The following ZNF385B variants were observed in gnomAD, a reference collection of about 807,000 sequenced individuals.
ZNF385B encodes the protein zinc finger protein 533.
A neutral mutation model predicts 39.2 loss-of-function variants in ZNF385B; 23 were observed. The observed-to-expected ratio is 0.59, with a 90% CI of 0.42 to 0.83. ZNF385B has a LOEUF of 0.83. Ranked by LOEUF, ZNF385B falls within the 40% of genes least tolerant of loss-of-function variation. ZNF385B has a pLI of 0.00. For missense variants in ZNF385B, 552 were observed against 598.9 expected, an observed-to-expected ratio of 0.92 and a Z score of 0.82; for synonymous variants, 205 against 222.6, an observed-to-expected ratio of 0.92 and a Z score of 0.70.
chr2:179,775,457 A>C (rs1704259246), intron 1 of ZNF385B, among the ~76,000 whole-genome samples: 1 of 152,236 alleles, frequency 6.6e-6, no homozygotes, highest in Non-Finnish European at 1.5e-5. Flanking sequence ...TTGGAATGAA[A>C]TTATTCCTTA....
chr2:179,696,849 A>G (rs561564369), intron 3 of ZNF385B, among the ~76,000 whole-genome samples: 27 of 152,302 alleles, frequency 1.8e-4, no homozygotes, highest in African/African-American at 6.5e-4. Flanking sequence ...TGTTAATTAT[A>G]ATATTCTCAA....
At chr2:179,776,761 C>T (rs1434308757) in intron 1 of ZNF385B, among the ~76,000 whole-genome samples, 1 of 152,086 alleles carries the variant, frequency 6.6e-6, no homozygotes, top group Non-Finnish European at 1.5e-5. Flanking sequence ...TGGGATATCT[C>T]AGGGGCTCAA....
intron 4 of ZNF385B, among the ~76,000 whole-genome samples, chr2:179,529,190 GA>G (rs1470934581): frequency 6.6e-6 from 1 of 152,150 alleles, no homozygotes; most frequent in Non-Finnish European, 1.5e-5. Context: ...TGGTTAATGT[GA>G]TTTATTAAAG....
intron 3 of ZNF385B, among the ~76,000 whole-genome samples, chr2:179,615,540 T>C (rs1689658537): frequency 6.6e-6 from 1 of 152,210 alleles, no homozygotes; most frequent in Admixed American, 6.5e-5. Flanking sequence ...TAAAATAAAA[T>C]AGCTTTAATG....
At chr2:179,634,884 C>CT (rs1691590011) in intron 3 of ZNF385B, among the ~76,000 whole-genome samples, 1 of 150,934 alleles carries the variant, frequency 6.6e-6, no homozygotes, top group South Asian at 2.1e-4. Context: ...AATCTCAGCA[C>CT]TTTGGGAGGC....
intron 6 of ZNF385B, 113 bp from the exon 7 acceptor site, chr2:179,446,883 G>T: frequency 7.4e-7 from 1 of 1,348,012 alleles, no homozygotes; most frequent in Non-Finnish European, 1.0e-6. Context: ...AGTTTTTATT[G>T]CAGCATAGAT....
chr2:179,505,405 C>T (rs1456710001), intron 5 of ZNF385B, among the ~76,000 whole-genome samples: 75 of 152,014 alleles, frequency 4.9e-4, no homozygotes, highest in Non-Finnish European at 2.9e-5. Context: ...AACAACCTAA[C>T]TACTCCTTTA....
At chr2:179,815,966 T>C (rs938244698) in intron 1 of ZNF385B, among the ~76,000 whole-genome samples, 14 of 152,122 alleles carry the variant, frequency 9.2e-5, no homozygotes, top group South Asian at 4.1e-4. Context: ...TCAGGCTCTT[T>C]TCTTTAAATA....
At chr2:179,600,977 G>T (rs781324431) in intron 3 of ZNF385B, among the ~76,000 whole-genome samples, 14 of 152,246 alleles carry the variant, frequency 9.2e-5, no homozygotes, top group Non-Finnish European at 2.1e-4. Context: ...TTTCTCAAAA[G>T]TTTTATAAAT....
rs1202705424 is a variant in ZNF385B at position 179,443,004 on chromosome 2, G to A, written c.*246C>T. 3.4e-6 allele frequency: 2 copies of A among 583,028 alleles called. No individual in the cohort carries two copies. Among genetic ancestry groups the A allele is most frequent in the South Asian group, 2.0e-5 (1 of 49,874 alleles). The allele number at this position is 583,028 out of a possible 1,614,324, so 36.1% of individuals were successfully genotyped here. On this transcript the variant is annotated 3_prime_UTR_variant, in exon 10 of 10. Transcript: ENST00000410066. ...TATCTGAGATACACAAATTGAACGC[G>A]GTAGGGTGGGGGAGGAAGTAGGGAG...
chr2:179,740,278 G>A (rs1702011864), intron 3 of ZNF385B, among the ~76,000 whole-genome samples: 1 of 152,132 alleles, frequency 6.6e-6, no homozygotes, highest in South Asian at 2.1e-4. Flanking sequence ...AGATCTCCAA[G>A]TGAAATTCAC....
intron 5 of ZNF385B, among the ~76,000 whole-genome samples, chr2:179,509,090 G>T (rs1048187587): frequency 5.3e-5 from 8 of 151,970 alleles, no homozygotes; most frequent in Non-Finnish European, 7.4e-5. Context: ...GGGACTACAG[G>T]CACCCACCAC....
At chr2:179,488,124 T>C (rs1196697460) in intron 5 of ZNF385B, among the ~76,000 whole-genome samples, 3 of 152,150 alleles carry the variant, frequency 2.0e-5, no homozygotes, top group Admixed American at 2.0e-4. Flanking sequence ...TCATTTCTGA[T>C]TTTTACCTTA....
chr2:179,449,101 C>T (rs1408204526), intron 6 of ZNF385B, among the ~76,000 whole-genome samples: 1 of 151,762 alleles, frequency 6.6e-6, no homozygotes, highest in Non-Finnish European at 1.5e-5. Flanking sequence ...GTGCTAGACA[C>T]TAAAGAGAAT....
At chr2:179,646,252 TA>T (rs1692708803) in intron 3 of ZNF385B, among the ~76,000 whole-genome samples, 1 of 152,088 alleles carries the variant, frequency 6.6e-6, no homozygotes, top group Non-Finnish European at 1.5e-5. Context: ...CCATCTCTAC[TA>T]AAAGTACAAA....
intron 5 of ZNF385B, among the ~76,000 whole-genome samples, chr2:179,498,928 A>G (rs1357667697): frequency 6.6e-6 from 1 of 151,928 alleles, no homozygotes; most frequent in Non-Finnish European, 1.5e-5. Flanking sequence ...ACATTTAGCC[A>G]TACTAAGAAA....
At chr2:179,497,418 A>G (rs920208917) in intron 5 of ZNF385B, among the ~76,000 whole-genome samples, 16 of 152,104 alleles carry the variant, frequency 1.1e-4, no homozygotes, top group Admixed American at 9.8e-4. Flanking sequence ...ATAAATTAAG[A>G]CATTAAGTTT....
chr2:179,699,777 T>G (rs1157520745), intron 3 of ZNF385B, among the ~76,000 whole-genome samples: 1 of 152,216 alleles, frequency 6.6e-6, no homozygotes, highest in Non-Finnish European at 1.5e-5. Flanking sequence ...CTGTTGGCGG[T>G]TGATGGCATA....
At chr2:179,456,161 T>C (rs2105446962) in intron 6 of ZNF385B, among the ~76,000 whole-genome samples, 1 of 152,350 alleles carries the variant, frequency 6.6e-6, no homozygotes, top group East Asian at 1.9e-4. Flanking sequence ...AACAGCATTA[T>C]ATTCAGACAT....
Sources: allele counts gnomAD v4.1 joint callset (sites outside exome capture counted in the v4.1 genomes callset), GRCh38; gene constraint gnomAD v4.1.1; transcripts MANE v1.5; gene names NCBI Gene and HGNC (gene_info 2026-07-23, HGNC 2026-07-21).